Variants in FAF1 observed in about 807,000 individuals in gnomAD.
The protein encoded by FAF1 is FAS-associated factor 1.
Under a neutral mutation model 92.5 loss-of-function variants are expected in FAF1, and 25 were observed. The observed-to-expected ratio is 0.27, with a 90% CI of 0.20 to 0.38. The LOEUF is 0.38. Ranked by LOEUF, FAF1 falls within the 10% of genes least tolerant of loss-of-function variation. The pLI is 1.00. For missense variants in FAF1, 636 were observed against 793.3 expected (o/e 0.80, Z 2.38); for synonymous variants, 234 against 273.2 (o/e 0.86, Z 1.42).
intron 6 of FAF1, among the ~76,000 whole-genome samples, chr1:50,717,273 T>C (rs1339073240): frequency 2.6e-5 from 4 of 152,080 alleles, no homozygotes; most frequent in African/African-American, 7.2e-5. Flanking sequence ...TATGGGGTCT[T>C]TGGGAGGTAA....
chr1:50,921,022 G>A (rs1209472045), intron 1 of FAF1, among the ~76,000 whole-genome samples: 1 of 152,100 alleles, frequency 6.6e-6, no homozygotes, highest in African/African-American at 2.4e-5. Flanking sequence ...AGAAAACCCT[G>A]CATTCTTTAC....
intron 1 of FAF1, among the ~76,000 whole-genome samples, chr1:50,924,138 C>T (rs1644986372): frequency 1.3e-5 from 2 of 152,092 alleles, no homozygotes; most frequent in Admixed American, 6.5e-5. Context: ...TTCTTGTTTG[C>T]AGACGACATG....
At chr1:50,726,638 G>A (rs566111692) in intron 6 of FAF1, among the ~76,000 whole-genome samples, 1 of 152,236 alleles carries the variant, frequency 6.6e-6, no homozygotes, top group South Asian at 2.1e-4. Flanking sequence ...GACCATCCTG[G>A]CTAACACAGT....
intron 8 of FAF1, among the ~76,000 whole-genome samples, chr1:50,609,535 C>G (rs1025462539): frequency 6.6e-6 from 1 of 152,160 alleles, no homozygotes; most frequent in African/African-American, 2.4e-5. Context: ...CAGGCACATG[C>G]CACCACATCT....
At chr1:50,488,662 G>A (rs1182275899) in intron 17 of FAF1, among the ~76,000 whole-genome samples, 1 of 152,184 alleles carries the variant, frequency 6.6e-6, no homozygotes. Flanking sequence ...TACTGGAATG[G>A]AGTATGAGAA....
intron 1 of FAF1, among the ~76,000 whole-genome samples, chr1:50,885,312 T>TCTCACACACACACACACACACACACA (rs906105476): frequency 7.3e-6 from 1 of 137,370 alleles, no homozygotes; most frequent in African/African-American, 2.9e-5. Flanking sequence ...TCTCTCTCTC[T>TCTCACACACACACACACACACACACA]CACACACACA....
intron 6 of FAF1, among the ~76,000 whole-genome samples, chr1:50,735,702 T>G (rs1659109975): frequency 6.6e-6 from 1 of 152,174 alleles, no homozygotes; most frequent in South Asian, 2.1e-4. Context: ...GTGAACAATT[T>G]AATAACTATT....
intron 1 of FAF1, among the ~76,000 whole-genome samples, chr1:50,928,985 T>C (rs1478261989): frequency 2.7e-5 from 4 of 150,198 alleles, no homozygotes; most frequent in South Asian, 4.2e-4. Flanking sequence ...CATGGGAGGA[T>C]TGCTTGAGCT....
rs1432960736 is a variant in FAF1, at chr1:50,815,575, T to C, written c.115-13898A>G. 2.6e-5 allele frequency among the ~76,000 whole-genome samples: 4 copies of C among 152,216 alleles called. No individual in the cohort carries two copies. The East Asian group carries it at 7.7e-4, about 29-fold the overall frequency. On this transcript the variant is annotated intron_variant, in intron 2 of 18. Transcript: ENST00000396153. Reference sequence around the variant, plus strand: ...TCTGGATATATACCTAGTAATAGCATTGCTGGGTAGAACGGCAGTTCTTTT... The same window carrying C: ...TCTGGATATATACCTAGTAATAGCACTGCTGGGTAGAACGGCAGTTCTTTT...
chr1:50,784,376 T>C (rs1019357635), intron 4 of FAF1, among the ~76,000 whole-genome samples: 1 of 151,880 alleles, frequency 6.6e-6, no homozygotes, highest in Non-Finnish European at 1.5e-5. Flanking sequence ...CACATAAAAA[T>C]CAGCTGCATT....
chr1:50,683,366 A>C (rs775004021), intron 7 of FAF1, among the ~76,000 whole-genome samples: 5 of 151,930 alleles, frequency 3.3e-5, no homozygotes, highest in Admixed American at 6.6e-5. Flanking sequence ...GTTTCTACTA[A>C]AAATACAAAA....
chr1:50,650,591 C>T (rs557829642), intron 8 of FAF1, among the ~76,000 whole-genome samples: 5 of 152,068 alleles, frequency 3.3e-5, no homozygotes, highest in South Asian at 2.1e-4. Flanking sequence ...CCGCACTCCA[C>T]CCTGGGTGAC....
chr1:50,864,749 C>T (rs550122610), intron 1 of FAF1, among the ~76,000 whole-genome samples: 1 of 152,220 alleles, frequency 6.6e-6, no homozygotes, highest in African/African-American at 2.4e-5. Flanking sequence ...AGAAGAAAAC[C>T]TAGGCATTAC....
chr1:50,754,483 T>G (rs982500430), intron 4 of FAF1, among the ~76,000 whole-genome samples: 1 of 152,190 alleles, frequency 6.6e-6, no homozygotes, highest in Non-Finnish European at 1.5e-5. Flanking sequence ...TTTGGGTGGT[T>G]TTTAGTTGTA....
intron 15 of FAF1, among the ~76,000 whole-genome samples, chr1:50,511,854 CCCA>C (rs1248518969): frequency 1.3e-5 from 2 of 152,202 alleles, no homozygotes; most frequent in South Asian, 2.1e-4. Flanking sequence ...AATTTACACT[CCCA>C]CCAACAGTGT....
chr1:50,718,125 T>G (rs1658262778), intron 6 of FAF1, among the ~76,000 whole-genome samples: 1 of 152,050 alleles, frequency 6.6e-6, no homozygotes, highest in Non-Finnish European at 1.5e-5. Context: ...GTTCAAGCGA[T>G]TCTCCTGCTT....
chr1:50,771,484 A>C (rs1443462436), intron 4 of FAF1, among the ~76,000 whole-genome samples: 1 of 152,238 alleles, frequency 6.6e-6, no homozygotes, highest in Non-Finnish European at 1.5e-5. Flanking sequence ...TTTTGAAAGA[A>C]GCCATATATT....
intron 8 of FAF1, among the ~76,000 whole-genome samples, chr1:50,651,620 T>C (rs956864697): frequency 2.0e-5 from 3 of 152,210 alleles, no homozygotes; most frequent in African/African-American, 7.2e-5. Context: ...TCTCTGAAAG[T>C]TAAACCATTC....
rs184215775 is a variant in FAF1 at position 50,821,946 on chromosome 1, A to G, written c.115-20269T>C. On this transcript the variant is annotated intron_variant, in intron 2 of 18. Coordinates refer to ENST00000396153, the MANE Select transcript of FAF1 (RefSeq NM_007051.3). Reference sequence around the variant, plus strand: ...TGGCCTACGGTCACCGAAATGCTCTATTGATTACAGATAAGATGAGGAGAC... The same window carrying G: ...TGGCCTACGGTCACCGAAATGCTCTGTTGATTACAGATAAGATGAGGAGAC... 7.1e-3 allele frequency among the ~76,000 whole-genome samples: 1,080 copies of G among 152,122 alleles called. 9 individuals carry two copies. Among genetic ancestry groups the G allele is most frequent in the Non-Finnish European group, 0.012 (812 of 67,994 alleles).
Sources: gnomAD v4.1 joint callset for allele counts (sites outside exome capture counted in the v4.1 genomes callset) on GRCh38, gnomAD v4.1.1 for gene constraint, MANE v1.5 for transcripts, NCBI Gene and HGNC (gene_info 2026-07-23, HGNC 2026-07-21) for gene names.